Variants in KLK12 observed in about 807,000 individuals in gnomAD.
KLK12 encodes kallikrein-12.
Under a neutral mutation model 20.0 loss-of-function variants are expected in KLK12, and 23 were observed. The observed-to-expected ratio is 1.15, with a 90% CI of 0.83 to 1.63. The LOEUF (loss-of-function observed/expected upper bound fraction) is 1.63, where lower values mean the gene tolerates loss of function less well. Ranked by LOEUF, KLK12 falls within the 40% of genes most tolerant of loss-of-function variation. The pLI is 0.00. For synonymous variants in KLK12, 147 were observed against 141.9 expected, an observed-to-expected ratio of 1.04 and a Z score of -0.25; for missense variants, 351 against 338.6, an observed-to-expected ratio of 1.04 and a Z score of -0.29.
Position 51,030,812 on chromosome 19 carries a change from G to A in KLK12, c.567C>T (p.Gly189=), listed in dbSNP as rs750124710. Residue 189 remains glycine (G), a synonymous_variant, in exon 5 of 6, where the codon GGC becomes GGT. Coordinates refer to ENST00000684732, the MANE Select transcript of KLK12 (RefSeq NM_001370125.1). The part of the protein sequence containing the change: ...RITSNMVCAG[G]VPGQDACQGD... The stretch of plus-strand genomic sequence containing the variant: ...CCTGGCAGGCATCCTGCCCCGGGAC[G>A]CCGCCTGCACACACCATGTTGCTCG... The A allele has an allele frequency of 7.4e-6, 12 of 1,613,876 alleles. No individual in the cohort carries two copies. The highest frequency in any genetic ancestry group is 1.7e-4 in the Middle Eastern group (1 of 5,966).
chr19:51,030,464 C>T (rs1354172141), intron 5 of KLK12, among the ~76,000 whole-genome samples: 2 of 151,882 alleles, frequency 1.3e-5, no homozygotes, highest in African/African-American at 2.4e-5. Flanking sequence ...ATTCTCCTGC[C>T]TCAGCCTTCC....
chr19:51,034,585 C>G lies in KLK12; in HGVS notation c.37G>C (p.Gly13Arg). Residue 13 changes from glycine to arginine, a missense_variant and splice_region_variant, in exon 2 of 6, where the codon GGG becomes CGG. Coordinates refer to ENST00000684732, the MANE Select transcript of KLK12 (RefSeq NM_001370125.1). ...CTCTCCCTGCTCCGGGAGAACTCAC[C>G]AAGAACACACAGGAGCAAAAAGATG... ...LSIFLLLCVL[G>R]LSQAATPKIF... 6.2e-7 allele frequency: 1 copy of G among 1,611,194 alleles called. No individual in the cohort carries two copies. Among genetic ancestry groups the G allele is most frequent in the Non-Finnish European group, 8.5e-7 (1 of 1,178,792 alleles).
At chr19:51,033,107 T>A (rs892095577) in intron 3 of KLK12, among the ~76,000 whole-genome samples, 5 of 151,164 alleles carry the variant, frequency 3.3e-5, no homozygotes, top group African/African-American at 7.3e-5. Flanking sequence ...TCTTAGCTCC[T>A]TGGGAGGCTG....
chr19:51,033,648 T>C (rs1019357292), intron 3 of KLK12, among the ~76,000 whole-genome samples: 10 of 151,812 alleles, frequency 6.6e-5, no homozygotes, highest in African/African-American at 1.7e-4. Context: ...GAAAAAGAGC[T>C]TGGGTGAGAC....
chr19:51,032,381 C>CTTTTT (rs869282785), intron 3 of KLK12, among the ~76,000 whole-genome samples: 3 of 115,284 alleles, frequency 2.6e-5, no homozygotes, highest in Admixed American at 9.4e-5. Flanking sequence ...TCTCTCTCTC[C>CTTTTT]TTTTTTTTTT....
At chr19:51,031,784 C>A (rs767396244) in intron 4 of KLK12, 92 bp downstream of exon 4, 1 of 1,365,672 alleles carries the variant, frequency 7.3e-7, no homozygotes, top group African/African-American at 1.4e-5. Flanking sequence ...CTTTACCCAT[C>A]CTTCCTCTGA....
intron 5 of KLK12, 56 bp downstream of exon 5, chr19:51,030,732 C>T: frequency 6.2e-7 from 1 of 1,606,852 alleles, no homozygotes; most frequent in Non-Finnish European, 8.5e-7. Context: ...CTGCTTCCAG[C>T]CCCTCCCCTT....
At chr19:51,031,111 C>T (rs1294515758) in intron 4 of KLK12, among the ~76,000 whole-genome samples, 190 bp from the exon 5 acceptor site, 4 of 152,182 alleles carry the variant, frequency 2.6e-5, no homozygotes, top group African/African-American at 9.7e-5. Context: ...AGATGATTGA[C>T]GGTCTCTTTG....
intron 5 of KLK12, 87 bp from the exon 6 acceptor site, chr19:51,029,544 T>C (rs2091531079): frequency 9.0e-7 from 1 of 1,108,316 alleles, no homozygotes; most frequent in Non-Finnish European, 1.4e-6. Flanking sequence ...TCCTGGGCCT[T>C]GGGGAGGGCT....
In KLK12 at chr19:51,029,954, T is replaced by C. The variant is rs563685375; in HGVS notation, c.592-497A>G. 8 of 173,526 alleles carry C rather than the reference T, an allele frequency of 4.6e-5. No individual in the cohort carries two copies. The East Asian group carries it at 1.2e-3, about 25-fold the overall frequency. 10.7% of individuals were successfully genotyped at this position (173,526 alleles called of 1,614,324 possible). A position where few individuals can be genotyped will look rare whatever the true frequency, so the allele number is the denominator to read the frequency against. On this transcript the variant is annotated intron_variant, in intron 5 of 5. Coordinates refer to ENST00000684732, the MANE Select transcript of KLK12 (RefSeq NM_001370125.1). ...TGACCAATGAGGGGAGAGAGTGCCA[T>C]CAAAAATGACCAATCCCAGGGAAGG... is the stretch of plus-strand genomic sequence containing the variant.
rs536530456 is a variant in KLK12, at chr19:51,034,507, G to A, written c.37+78C>T. 1.6e-4 allele frequency: 254 copies of A among 1,566,722 alleles called. 2 individuals are homozygous for A. In the South Asian group the frequency reaches 2.9e-3, roughly 18 times the overall value. Reference sequence around the variant, plus strand: ...GGCTGGGGGCCAGAGCTGAGATGGGGAGGGTGGTGGGGCCTCCTCATGGGG... The same window carrying A: ...GGCTGGGGGCCAGAGCTGAGATGGGAAGGGTGGTGGGGCCTCCTCATGGGG... On this transcript the variant is annotated intron_variant, in intron 2 of 5. Coordinates refer to ENST00000684732, the MANE Select transcript of KLK12 (RefSeq NM_001370125.1).
At chr19:51,034,239 G>A (rs1272044294) in intron 2 of KLK12, 100 bp from the exon 3 acceptor site, 1 of 1,346,468 alleles carries the variant, frequency 7.4e-7, no homozygotes, top group Non-Finnish European at 1.0e-6. Flanking sequence ...AGAGAGAGAG[G>A]AGAAAGAGAG....
intron 3 of KLK12, 21 bp from the exon 4 acceptor site, chr19:51,032,156 G>A (rs1188097092): frequency 1.3e-6 from 2 of 1,583,890 alleles, no homozygotes; most frequent in Non-Finnish European, 8.5e-7. Context: ...CGACGGCTGA[G>A]CGGGTGGCAG....
intron 5 of KLK12, among the ~76,000 whole-genome samples, chr19:51,030,434 C>T (rs2122601880): frequency 6.6e-6 from 1 of 151,840 alleles, no homozygotes; most frequent in East Asian, 1.9e-4. Context: ...ACTGCAACCT[C>T]CGCCTCCCGG....
intron 2 of KLK12, 28 bp from the exon 3 acceptor site, chr19:51,034,167 A>G (rs2091589053): frequency 1.3e-6 from 2 of 1,550,914 alleles, no homozygotes; most frequent in African/African-American, 2.7e-5. Flanking sequence ...CATGGGTCAG[A>G]GAGAGGAAGA....
At chr19:51,029,991 C>T (rs1317416088) in intron 5 of KLK12, 1 of 165,260 alleles carries the variant, frequency 6.1e-6, no homozygotes, top group African/African-American at 2.5e-5. Context: ...GGGCAGGACT[C>T]CATCAAAAGC....
chr19:51,030,967 C>G (rs974786160), intron 4 of KLK12, 46 bp from the exon 5 acceptor site: 1 of 1,612,948 alleles, frequency 6.2e-7, no homozygotes, highest in African/African-American at 1.3e-5. Flanking sequence ...AATCTCCCCA[C>G]TTTGAGGCCA....
At chr19:51,034,390 G>T in intron 2 of KLK12, 195 bp downstream of exon 2, 1 of 1,405,362 alleles carries the variant, frequency 7.1e-7, no homozygotes, top group Non-Finnish European at 9.4e-7. Context: ...AGGGAAGAGG[G>T]ATCAAAAAAT....
rs368423789 is a variant in KLK12, at chr19:51,034,978, G to A, written c.-192C>T. ...CAGCCACCTGTCATGTTGCTCAACCGGTCCCTTTCCTTCCATCTGTCGCTC... is the reference window on the plus strand; with the variant it reads ...CAGCCACCTGTCATGTTGCTCAACCAGTCCCTTTCCTTCCATCTGTCGCTC... On this transcript the variant is annotated 5_prime_UTR_variant, in exon 1 of 6. Transcript: ENST00000684732. The A allele has an allele frequency of 1.3e-3, 1,518 of 1,175,862 alleles. 33 individuals carry two copies. The South Asian group carries it at 0.03, about 23-fold the overall frequency. 72.8% of individuals were successfully genotyped at this position (1,175,862 alleles called of 1,614,324 possible).
Sources: allele counts gnomAD v4.1 joint callset (sites outside exome capture counted in the v4.1 genomes callset), GRCh38; gene constraint gnomAD v4.1.1; transcripts MANE v1.5; gene names NCBI Gene and HGNC (gene_info 2026-07-23, HGNC 2026-07-21).